AGMO: variants seen among roughly 807,000 people sequenced by gnomAD.
The protein encoded by AGMO is alkylglycerol monooxygenase.
A neutral mutation model predicts 60.2 loss-of-function variants in AGMO; 75 were observed. The ratio of observed to expected loss-of-function variants is 1.25; its 90% CI spans 1.03 to 1.51. AGMO has a LOEUF of 1.51. Among genes scored for constraint, AGMO ranks in the 40% most tolerant of loss-of-function variants. The pLI, the probability that AGMO is intolerant of heterozygous loss-of-function variation, is 0.00. For missense variants in AGMO, 763 were observed against 525.5 expected, an observed-to-expected ratio of 1.45 and a Z score of -4.42; for synonymous variants, 261 against 177.1, an observed-to-expected ratio of 1.47 and a Z score of -3.76.
intron 3 of AGMO, among the ~76,000 whole-genome samples, chr7:15,457,222 A>G (rs1782020937): frequency 6.6e-6 from 1 of 152,158 alleles, no homozygotes; most frequent in African/African-American, 2.4e-5. Flanking sequence ...CTTCAAAATC[A>G]GTGTTTTCTA....
At position 15,397,419 on chromosome 7, in the gene AGMO, C is replaced by T. The variant is rs555307284; in HGVS notation, c.610-3240G>A. 4.6e-5 allele frequency among the ~76,000 whole-genome samples: 7 copies of T among 152,198 alleles called. No homozygotes were observed. In the East Asian group the frequency reaches 1.4e-3, roughly 30 times the overall value. The stretch of plus-strand genomic sequence containing the variant: ...CCTCCCCGCAAGCAGAGGGAGTCGG[C>T]TCCGGCCTCGGCCAGCCCCACAGAG... On this transcript the variant is annotated intron_variant, in intron 5 of 12. Coordinates refer to ENST00000342526, the MANE Select transcript of AGMO (RefSeq NM_001004320.2).
At chr7:15,407,138 A>T (rs952882507) in intron 5 of AGMO, among the ~76,000 whole-genome samples, 3 of 146,992 alleles carry the variant, frequency 2.0e-5, no homozygotes, top group African/African-American at 5.0e-5. Context: ...CCACGTATAC[A>T]CATATAGATA....
At position 15,365,680 on chromosome 7, in the gene AGMO, T is replaced by C. The variant is rs1436835594; in HGVS notation, c.1158-61A>G. 6 of 1,104,768 alleles carry C rather than the reference T, an allele frequency of 5.4e-6. No individual in the cohort carries two copies. The African/African-American group carries it at 7.9e-5, about 15-fold the overall frequency. 68.4% of individuals were successfully genotyped at this position (1,104,768 alleles called of 1,614,324 possible). ...AATATGCTCTTTATATGTTCACATGTTATAATTAATATAAACTTCTCATTC... is the reference window on the plus strand; with the variant it reads ...AATATGCTCTTTATATGTTCACATGCTATAATTAATATAAACTTCTCATTC... On this transcript the variant is annotated intron_variant, in intron 11 of 12. Coordinates refer to ENST00000342526, the MANE Select transcript of AGMO (RefSeq NM_001004320.2).
At chr7:15,345,675 G>C (rs1431744649) in intron 12 of AGMO, among the ~76,000 whole-genome samples, 1 of 152,034 alleles carries the variant, frequency 6.6e-6, no homozygotes, top group Non-Finnish European at 1.5e-5. Flanking sequence ...TATTTACCAT[G>C]TACCCTAAGT....
intron 3 of AGMO, among the ~76,000 whole-genome samples, chr7:15,500,168 A>C (rs915010576): frequency 2.6e-5 from 4 of 151,868 alleles, no homozygotes; most frequent in African/African-American, 9.7e-5. Flanking sequence ...AAAAATTAAA[A>C]ATAGTTAACA....
chr7:15,394,491 CA>C (rs1294222384), intron 5 of AGMO, among the ~76,000 whole-genome samples: 4 of 152,156 alleles, frequency 2.6e-5, no homozygotes, highest in Non-Finnish European at 4.4e-5. Context: ...TTTCATATCT[CA>C]ATTTTCTCAT....
At chr7:15,292,431 G>C (rs963160779) in intron 12 of AGMO, among the ~76,000 whole-genome samples, 2 of 152,246 alleles carry the variant, frequency 1.3e-5, no homozygotes, top group Admixed American at 6.5e-5. Flanking sequence ...CAAGGAAAAC[G>C]TAAGATTGGT....
At chr7:15,350,816 A>G (rs535848202) in intron 12 of AGMO, among the ~76,000 whole-genome samples, 2 of 152,286 alleles carry the variant, frequency 1.3e-5, no homozygotes, top group Non-Finnish European at 2.9e-5. Context: ...TATCTTAATA[A>G]AAGGAAGTTT....
intron 3 of AGMO, among the ~76,000 whole-genome samples, chr7:15,432,063 T>C (rs549057837): frequency 8.0e-4 from 122 of 151,834 alleles, no homozygotes; most frequent in African/African-American, 2.6e-3. Flanking sequence ...TTAGCTAAAG[T>C]AACTTATGTT....
At chr7:15,150,947 C>T in the AGMO span, among the ~76,000 whole-genome samples, 1 of 151,998 alleles carries the variant, frequency 6.6e-6, no homozygotes, top group African/African-American at 2.4e-5. Flanking sequence ...TTTTCTGGCC[C>T]AGTGCTTTCT....
At chr7:15,359,415 C>A (rs1782666759) in intron 12 of AGMO, among the ~76,000 whole-genome samples, 1 of 151,582 alleles carries the variant, frequency 6.6e-6, no homozygotes, top group Admixed American at 6.6e-5. Flanking sequence ...TTTTCTATTA[C>A]TGTAGTGAAA....
chr7:15,432,124 A>T (rs1781259524), intron 3 of AGMO, among the ~76,000 whole-genome samples: 1 of 151,698 alleles, frequency 6.6e-6, no homozygotes, highest in South Asian at 2.1e-4. Context: ...TGACATGATC[A>T]TCATATCCTT....
At chr7:15,274,652 T>C (rs1027303814) in intron 12 of AGMO, among the ~76,000 whole-genome samples, 2 of 151,940 alleles carry the variant, frequency 1.3e-5, no homozygotes, top group Non-Finnish European at 2.9e-5. Context: ...CAGTACTTTG[T>C]ACATTTGGTA....
At chr7:15,350,455 T>C (rs1782199752) in intron 12 of AGMO, among the ~76,000 whole-genome samples, 1 of 152,138 alleles carries the variant, frequency 6.6e-6, no homozygotes, top group Non-Finnish European at 1.5e-5. Context: ...TTATTAGAGG[T>C]AGATAAGAGT....
At chr7:15,350,190 ACCAAT>A (rs1474923969) in intron 12 of AGMO, among the ~76,000 whole-genome samples, 1 of 152,156 alleles carries the variant, frequency 6.6e-6, no homozygotes, top group Non-Finnish European at 1.5e-5. Context: ...TCAAGGATAG[ACCAAT>A]CCAGTGTCAG....
At chr7:15,386,613 G>T (rs867771851) in intron 9 of AGMO, among the ~76,000 whole-genome samples, 4 of 152,078 alleles carry the variant, frequency 2.6e-5, no homozygotes, top group African/African-American at 2.4e-5. Context: ...TTTAGATCAG[G>T]ATTTTTTCAA....
rs1784355732 is a variant in AGMO, at chr7:15,531,526, ATATATATTCTC to A, written c.409+13235_409+13245del. Among the ~76,000 whole-genome samples, 19 of 63,922 alleles carry A rather than the reference ATATATATTCTC, an allele frequency of 3.0e-4. 1 individual carries two copies. Among genetic ancestry groups the A allele is most frequent in the Non-Finnish European group, 3.8e-4 (14 of 36,512 alleles). 41.9% of individuals were successfully genotyped at this position (63,922 alleles called of 152,430 possible). A position where few individuals can be genotyped will look rare whatever the true frequency, so the allele number is the denominator to read the frequency against. On this transcript the variant is annotated intron_variant, in intron 3 of 12. Transcript: ENST00000342526. ...TATATATATTCTCTATATATATTCTATATATATTCTCTATATATATTCTATATATATATTCT... is the reference window on the plus strand; with the variant it reads ...TATATATATTCTCTATATATATTCTATATATATATTCTATATATATATTCT...
At chr7:15,478,965 T>C (rs533108044) in intron 3 of AGMO, among the ~76,000 whole-genome samples, 3 of 152,294 alleles carry the variant, frequency 2.0e-5, no homozygotes, top group South Asian at 2.1e-4. Context: ...TAATCTTGTA[T>C]AGTAACTTTA....
chr7:15,448,950 T>A (rs1430336920), intron 3 of AGMO, among the ~76,000 whole-genome samples: 1 of 152,194 alleles, frequency 6.6e-6, no homozygotes, highest in Non-Finnish European at 1.5e-5. Context: ...AAATGACTTT[T>A]CAAGATCATA....
Sources: allele counts gnomAD v4.1 joint callset (sites outside exome capture counted in the v4.1 genomes callset), GRCh38; gene constraint gnomAD v4.1.1; transcripts MANE v1.5; gene names NCBI Gene and HGNC (gene_info 2026-07-23, HGNC 2026-07-21).